DNAJC6: variants seen among roughly 807,000 people sequenced by gnomAD.
DNAJC6 encodes DnaJ heat shock protein family (Hsp40) member C6, also known as auxilin.
A neutral mutation model predicts 110.0 loss-of-function variants in DNAJC6; 34 were observed. That is an observed-to-expected ratio of 0.31 (90% CI 0.24 to 0.41). The LOEUF is 0.41. Ranked by LOEUF, DNAJC6 falls within the 10% of genes least tolerant of loss-of-function variation. The pLI is 1.00. For missense variants in DNAJC6, 1,031 were observed against 1,207.8 expected (o/e 0.85, Z 2.17); for synonymous variants, 406 against 437.2 (o/e 0.93, Z 0.89).
intron 4 of DNAJC6, among the ~76,000 whole-genome samples, chr1:65,369,236 T>C (rs947970765): frequency 6.6e-6 from 1 of 152,174 alleles, no homozygotes; most frequent in Non-Finnish European, 1.5e-5. Flanking sequence ...CTGTCTCCTT[T>C]ACCCTTAGTT....
chr1:65,410,248 T>C (rs1646115890), intron 17 of DNAJC6, among the ~76,000 whole-genome samples: 1 of 152,238 alleles, frequency 6.6e-6, no homozygotes, highest in East Asian at 1.9e-4. Context: ...TATACCACCG[T>C]TCTGTATAAT....
intron 4 of DNAJC6, among the ~76,000 whole-genome samples, chr1:65,368,330 C>G (rs948737133): frequency 6.7e-6 from 1 of 150,096 alleles, no homozygotes; most frequent in East Asian, 2.0e-4. Flanking sequence ...ATCTGCTCCT[C>G]TAACTTCATC....
intron 1 of DNAJC6, among the ~76,000 whole-genome samples, chr1:65,359,427 T>C (rs1160913230): frequency 6.6e-6 from 1 of 152,222 alleles, no homozygotes; most frequent in Admixed American, 6.5e-5. Flanking sequence ...CTGATGTTTG[T>C]CCTTGGTGGG....
At chr1:65,330,266 A>C (rs1048648872) in intron 1 of DNAJC6, among the ~76,000 whole-genome samples, 1 of 152,196 alleles carries the variant, frequency 6.6e-6, no homozygotes, top group Non-Finnish European at 1.5e-5. Context: ...CATGGAGTTC[A>C]ACAGAGGATG....
At position 65,386,862 on chromosome 1, in the gene DNAJC6, T is replaced by C. The variant is rs1420489736; in HGVS notation, c.1046T>C (p.Val349Ala). ...GKIFIPLNIT[V>A]QGDVVVSMYH... is the part of the protein sequence containing the mutation. ...ATCTTCATTCCCTTGAACATCACTG[T>C]GCAAGGAGACGTGGTTGTTTCCATG... is the stretch of plus-strand genomic sequence containing the variant. Residue 349 changes from valine (V) to alanine (A), a missense_variant, in exon 8 of 19, where the codon GTG (valine) becomes GCG (alanine). Val to Ala is a moderately conservative substitution (Grantham distance 64). Transcript: ENST00000371069. 1.2e-6 allele frequency: 2 copies of C among 1,614,130 alleles called. No homozygotes were observed. Among genetic ancestry groups the C allele is most frequent in the Non-Finnish European group, 1.7e-6 (2 of 1,180,008 alleles).
At chr1:65,315,521 ATGTATG>A (rs1410441020) in intron 1 of DNAJC6, among the ~76,000 whole-genome samples, 1 of 152,228 alleles carries the variant, frequency 6.6e-6, no homozygotes, top group Non-Finnish European at 1.5e-5. Context: ...ATATATGTAT[ATGTATG>A]TGTATACCAT....
intron 1 of DNAJC6, among the ~76,000 whole-genome samples, chr1:65,360,813 G>C (rs1305720920): frequency 6.6e-6 from 1 of 152,160 alleles, no homozygotes; most frequent in Non-Finnish European, 1.5e-5. Context: ...AGGCTCGGCT[G>C]CCTGCGTAAT....
intron 1 of DNAJC6, among the ~76,000 whole-genome samples, chr1:65,282,499 A>G (rs1653885022): frequency 6.6e-6 from 1 of 152,166 alleles, no homozygotes; most frequent in Non-Finnish European, 1.5e-5. Flanking sequence ...GGAGGGGATT[A>G]GGGCCAGACT....
At chr1:65,388,616 G>T (rs1557556499) in intron 9 of DNAJC6, among the ~76,000 whole-genome samples, 2 of 152,212 alleles carry the variant, frequency 1.3e-5, no homozygotes, top group Non-Finnish European at 2.9e-5. Flanking sequence ...AGGGACCAAA[G>T]ACTTCAAACA....
At chr1:65,266,329 A>G (rs1238794524) in intron 1 of DNAJC6, among the ~76,000 whole-genome samples, 1 of 152,070 alleles carries the variant, frequency 6.6e-6, no homozygotes, top group African/African-American at 2.4e-5. Flanking sequence ...ATGGTATTTT[A>G]ATCTACGAAA....
Position 65,413,095 on chromosome 1 carries a change from T to G in DNAJC6, c.*70T>G. ...AGTGTGTGTCACAATTCTGAGGTTT[T>G]CGCAGATGAACCAAAAACTCCAGTA... On this transcript the variant is annotated 3_prime_UTR_variant, in exon 19 of 19. Transcript: ENST00000371069. 1 of 1,413,254 alleles carries G rather than the reference T, an allele frequency of 7.1e-7. No homozygotes were observed. Among genetic ancestry groups the G allele is most frequent in the Admixed American group, 2.0e-5 (1 of 50,370 alleles). 87.5% of individuals were successfully genotyped at this position (1,413,254 alleles called of 1,614,324 possible). A position where few individuals can be genotyped will look rare whatever the true frequency, so the allele number is the denominator to read the frequency against.
chr1:65,336,789 T>C (rs985429795), intron 1 of DNAJC6, among the ~76,000 whole-genome samples: 2 of 152,200 alleles, frequency 1.3e-5, no homozygotes, highest in African/African-American at 2.4e-5. Context: ...TAAAAAACAC[T>C]GTCACAACAT....
At chr1:65,323,341 G>A (rs947968190) in intron 1 of DNAJC6, among the ~76,000 whole-genome samples, 3 of 152,310 alleles carry the variant, frequency 2.0e-5, no homozygotes, top group African/African-American at 7.2e-5. Context: ...TCTCATGATA[G>A]TGAGTGAGAA....
chr1:65,271,505 AT>A (rs1359049734), intron 1 of DNAJC6, among the ~76,000 whole-genome samples: 1 of 152,158 alleles, frequency 6.6e-6, no homozygotes, highest in Non-Finnish European at 1.5e-5. Context: ...GTGAGATCAT[AT>A]GATATTTGAC....
chr1:65,307,994 T>C (rs1352953983), upstream of DNAJC6, among the ~76,000 whole-genome samples: 3 of 152,178 alleles, frequency 2.0e-5, no homozygotes, highest in Non-Finnish European at 4.4e-5. Flanking sequence ...TTAGAAAACA[T>C]TTCTTTGGAC....
Position 65,408,717 on chromosome 1 carries a change from G to T in DNAJC6, c.2568G>T (p.Gly856=). Residue 856 remains glycine, a synonymous_variant, in exon 17 of 19, where the codon GGG becomes GGT. Coordinates refer to ENST00000371069, the MANE Select transcript of DNAJC6 (RefSeq NM_001256864.2). ...QGFNAHKDKK[G]PRTIAEMRKE... ...TCAATGCTCACAAAGACAAAAAGGG[G>T]CCTCGGACAATAGCTGAGATGAGAA... 1 of 1,614,070 alleles carries T rather than the reference G, an allele frequency of 6.2e-7. No individual in the cohort carries two copies. Among genetic ancestry groups the T allele is most frequent in the Non-Finnish European group, 8.5e-7 (1 of 1,179,964 alleles).
rs369034643 is a variant in DNAJC6, at chr1:65,386,977, T to C, written c.1113+48T>C. On this transcript the variant is annotated intron_variant, in intron 8 of 18. Transcript: ENST00000371069. ...GGCATAAGTTCATCTGAGTCTTCAA[T>C]AGGAGTATTTCTGAATCTTTTCTCC... 4.0e-5 allele frequency: 58 copies of C among 1,443,458 alleles called. No individual in the cohort carries two copies. The African/African-American group carries it at 7.0e-4, about 17-fold the overall frequency. The allele number at this position is 1,443,458 out of a possible 1,614,324, so 89.4% of individuals were successfully genotyped here. A position where few individuals can be genotyped will look rare whatever the true frequency, so the allele number is the denominator to read the frequency against.
chr1:65,413,596 T>C lies in DNAJC6; in HGVS notation c.*571T>C, dbSNP rs1045750501. 6.6e-6 allele frequency: 1 copy of C among 152,170 alleles called. No homozygotes were observed. Among genetic ancestry groups the C allele is most frequent in the Non-Finnish European group, 1.5e-5 (1 of 68,106 alleles). The allele number at this position is 152,170 out of a possible 1,614,324, so 9.4% of individuals were successfully genotyped here. On this transcript the variant is annotated 3_prime_UTR_variant, in exon 19 of 19. Coordinates refer to ENST00000371069, the MANE Select transcript of DNAJC6 (RefSeq NM_001256864.2). ...CTAACAAATATAAAGGAACTTGAAA[T>C]GTGGGGAGTGATAATAGTCCAGTGA...
rs11417959 is a variant in DNAJC6, at chr1:65,396,345, T to TC, written c.2038+1317dup. 4.5e-3 allele frequency among the ~76,000 whole-genome samples: 681 copies of TC among 152,240 alleles called. 3 individuals carry two copies. Among genetic ancestry groups the TC allele is most frequent in the African/African-American group, 0.016 (652 of 41,542 alleles). Reference sequence around the variant, plus strand: ...ATGTCATTGCTCTGCTCAAAATGCCTCCCCATTTTACTCAGCATGAAAACC... The same window carrying TC: ...ATGTCATTGCTCTGCTCAAAATGCCTCCCCCATTTTACTCAGCATGAAAACC... On this transcript the variant is annotated intron_variant, in intron 13 of 18. Coordinates refer to ENST00000371069, the MANE Select transcript of DNAJC6 (RefSeq NM_001256864.2).
Sources: gnomAD v4.1 joint callset for allele counts (sites outside exome capture counted in the v4.1 genomes callset) on GRCh38, gnomAD v4.1.1 for gene constraint, MANE v1.5 for transcripts, NCBI Gene and HGNC (gene_info 2026-07-23, HGNC 2026-07-21) for gene names.